CCDC149: variants seen among roughly 807,000 people sequenced by gnomAD.
CCDC149 encodes coiled-coil domain-containing protein 149.
A neutral mutation model predicts 59.9 loss-of-function variants in CCDC149; 45 were observed. The ratio of observed to expected loss-of-function variants is 0.75; its 90% confidence interval spans 0.59 to 0.96. The LOEUF (loss-of-function observed/expected upper bound fraction) is 0.96, where lower values mean the gene tolerates loss of function less well. CCDC149 is among the 40% of genes least tolerant of loss of function. The pLI, the probability that CCDC149 is intolerant of heterozygous loss-of-function variation, is 0.00. For synonymous variants in CCDC149, 245 were observed against 260.6 expected (o/e 0.94, Z 0.58); for missense variants, 584 against 664.7 (o/e 0.88, Z 1.33).
chr4:24,862,928 G>A (rs576897832), intron 3 of CCDC149, among the ~76,000 whole-genome samples: 16 of 152,198 alleles, frequency 1.1e-4, no homozygotes, highest in African/African-American at 2.9e-4. Flanking sequence ...TTGCAGGCCC[G>A]TCACTGAACC....
intron 1 of CCDC149, among the ~76,000 whole-genome samples, chr4:24,977,201 C>A (rs993970322): frequency 2.6e-5 from 4 of 152,052 alleles, no homozygotes; most frequent in South Asian, 2.1e-4. Context: ...GGACCCAAGC[C>A]CCATCAATGA....
chr4:24,839,250 GCT>G (rs1485018434), intron 4 of CCDC149, among the ~76,000 whole-genome samples: 1 of 151,780 alleles, frequency 6.6e-6, no homozygotes, highest in African/African-American at 2.4e-5. Flanking sequence ...CACGATCTTG[GCT>G]CACTGTAAGC....
rs199797697 is a variant in CCDC149, at chr4:24,837,254, G to A, written c.636C>T (p.Asp212=). ...TGTTCTCCATACACAGGGCGTCCAC[G>A]TCAATGATGCGGTTCTCGTGCCCAC... Residue 212 remains aspartate, a synonymous_variant, in exon 6 of 13, where the codon GAC becomes GAT. Transcript: ENST00000635206. This position sits in a 1 kb window ranked among gnomAD's most constrained non-coding sequence, Gnocchi z 4.3. 207 of 1,614,208 alleles carry A rather than the reference G, an allele frequency of 1.3e-4. No individual in the cohort carries two copies. Among genetic ancestry groups the A allele is most frequent in the Admixed American group, 1.2e-3 (75 of 60,032 alleles).
chr4:24,841,006 C>T (rs991620339), intron 4 of CCDC149, among the ~76,000 whole-genome samples: 3 of 152,196 alleles, frequency 2.0e-5, no homozygotes, highest in African/African-American at 4.8e-5. Flanking sequence ...TGTAGCAAAA[C>T]TGGTCATTCC....
chr4:24,904,080 G>C (rs546115981), intron 1 of CCDC149, among the ~76,000 whole-genome samples: 1 of 152,300 alleles, frequency 6.6e-6, no homozygotes, highest in East Asian at 1.9e-4. Context: ...GATTACAGGC[G>C]TGAGCCACCG....
chr4:24,853,758 C>T (rs770712770), intron 3 of CCDC149, among the ~76,000 whole-genome samples: 1 of 152,068 alleles, frequency 6.6e-6, no homozygotes, highest in Non-Finnish European at 1.5e-5. Context: ...CATGAGCTTT[C>T]GTGTGTGACC....
chr4:24,926,819 A>G (rs1173825700), intron 1 of CCDC149, among the ~76,000 whole-genome samples: 1 of 152,160 alleles, frequency 6.6e-6, no homozygotes, highest in East Asian at 1.9e-4. Flanking sequence ...CTTCAATCGC[A>G]TGTCTGGCAC....
At chr4:24,836,711 A>G (rs1233823620) in intron 6 of CCDC149, among the ~76,000 whole-genome samples, 1 of 152,238 alleles carries the variant, frequency 6.6e-6, no homozygotes, top group Non-Finnish European at 1.5e-5. Flanking sequence ...AACATGCCCA[A>G]ATCACAGACA....
At chr4:24,868,819 C>T (rs1370577254) in intron 3 of CCDC149, among the ~76,000 whole-genome samples, 1 of 152,174 alleles carries the variant, frequency 6.6e-6, no homozygotes, top group Non-Finnish European at 1.5e-5. Context: ...TAGTTACCAG[C>T]GTGAGCTCTG....
intron 1 of CCDC149, among the ~76,000 whole-genome samples, chr4:24,901,697 A>T (rs940126851): frequency 1.3e-5 from 2 of 152,204 alleles, no homozygotes; most frequent in Non-Finnish European, 2.9e-5. Flanking sequence ...AAGTACTCCC[A>T]GGAAACTCTG....
At chr4:24,926,649 C>G (rs1722439190) in intron 1 of CCDC149, among the ~76,000 whole-genome samples, 1 of 152,216 alleles carries the variant, frequency 6.6e-6, no homozygotes, top group African/African-American at 2.4e-5. Flanking sequence ...CTTGGTAACA[C>G]AGAATAACCA....
At chr4:24,966,539 A>G (rs1412405537) in intron 1 of CCDC149, among the ~76,000 whole-genome samples, 3 of 152,138 alleles carry the variant, frequency 2.0e-5, no homozygotes, top group Admixed American at 1.3e-4. Context: ...GAAGGGGAAG[A>G]TGCTCCACCC....
chr4:24,865,854 A>C (rs1718662322), intron 3 of CCDC149, among the ~76,000 whole-genome samples: 1 of 152,200 alleles, frequency 6.6e-6, no homozygotes, highest in African/African-American at 2.4e-5. Flanking sequence ...TCAAGGATTG[A>C]AAGGGCTTAT....
intron 12 of CCDC149, among the ~76,000 whole-genome samples, chr4:24,818,387 CTT>C: frequency 6.6e-6 from 1 of 152,232 alleles, no homozygotes; most frequent in South Asian, 2.1e-4. Context: ...GGGAAAAACA[CTT>C]TGAGTGTATT....
chr4:24,922,731 G>T (rs1418048983), intron 1 of CCDC149, among the ~76,000 whole-genome samples: 1 of 152,088 alleles, frequency 6.6e-6, no homozygotes, highest in African/African-American at 2.4e-5. Flanking sequence ...CTATAGGAAG[G>T]TATTGCCTTT....
At chr4:24,825,397 G>A (rs898741013) in intron 9 of CCDC149, among the ~76,000 whole-genome samples, 1 of 152,166 alleles carries the variant, frequency 6.6e-6, no homozygotes, top group African/African-American at 2.4e-5. Flanking sequence ...TTTTGTAGGT[G>A]AGAAAACTGA....
chr4:24,937,372 C>T (rs953767510), intron 1 of CCDC149, among the ~76,000 whole-genome samples: 1 of 152,186 alleles, frequency 6.6e-6, no homozygotes, highest in African/African-American at 2.4e-5. Context: ...GGAGAATAAC[C>T]TATTGACCAA....
At chr4:24,895,248 G>T in intron 1 of CCDC149, 2 of 581,330 alleles carry the variant, frequency 3.4e-6, no homozygotes, top group Non-Finnish European at 6.2e-6. Flanking sequence ...AGCTGGGGAT[G>T]CTCTAGAACT....
intron 12 of CCDC149, among the ~76,000 whole-genome samples, chr4:24,816,741 G>A (rs1266117630): frequency 1.3e-5 from 2 of 151,872 alleles, no homozygotes; most frequent in Non-Finnish European, 2.9e-5. Flanking sequence ...TGCAATCAAC[G>A]GCTACAAACG....
Sources: allele counts gnomAD v4.1 joint callset (sites outside exome capture counted in the v4.1 genomes callset), GRCh38; gene constraint gnomAD v4.1.1; non-coding constraint Gnocchi (gnomAD v3.1); transcripts MANE v1.5; gene names NCBI Gene and HGNC (gene_info 2026-07-23, HGNC 2026-07-21).